Variants in ERICH3 observed in about 807,000 individuals in gnomAD.
The protein encoded by ERICH3 is glutamate-rich protein 3.
Under a neutral mutation model 131.1 loss-of-function variants are expected in ERICH3, and 126 were observed. That is an observed-to-expected ratio of 0.96 (90% CI 0.83 to 1.11). The LOEUF (loss-of-function observed/expected upper bound fraction) is 1.11. Among genes scored for constraint, ERICH3 ranks in the 50% most tolerant of loss-of-function variants. The pLI is 0.00. For missense variants in ERICH3, 2,050 were observed against 1,810.7 expected (o/e 1.13, Z -2.40); for synonymous variants, 695 against 644.6 (o/e 1.08, Z -1.18).
intron 1 of ERICH3, among the ~76,000 whole-genome samples, chr1:74,666,183 T>C (rs180791992): frequency 4.9e-4 from 74 of 152,022 alleles, no homozygotes; most frequent in Non-Finnish European, 6.8e-4. Context: ...GCTTTTACTG[T>C]CAGAAAAAAC....
intron 12 of ERICH3, among the ~76,000 whole-genome samples, chr1:74,589,171 T>C (rs1647468630): frequency 6.6e-6 from 1 of 152,126 alleles, no homozygotes; most frequent in South Asian, 2.1e-4. Context: ...TGGATTTTTG[T>C]GAGGACGTGA....
At chr1:74,633,166 T>G (rs1299093185) in intron 6 of ERICH3, among the ~76,000 whole-genome samples, 8 of 150,974 alleles carry the variant, frequency 5.3e-5, no homozygotes, top group Non-Finnish European at 8.9e-5. Flanking sequence ...AGGAAAGTAC[T>G]CTCCAAATAT....
rs775567742 is a variant in ERICH3 at position 74,636,280 on chromosome 1, C to T, written c.603G>A (p.Gly201=). Reference sequence around the variant, plus strand: ...ATTTATTGATAAAAATAACATTTACCCCAATGGGAAACAGAGCTTCATTTT... The same window carrying T: ...ATTTATTGATAAAAATAACATTTACTCCAATGGGAAACAGAGCTTCATTTT... ...LLENEALFPI[G]GKKAVMKFRN... is the part of the protein sequence containing the mutation. The change falls in exon 6 of 15, where the codon GGG becomes GGA. Residue 201 remains glycine, a splice_region_variant and synonymous_variant. Transcript: ENST00000326665. 3.8e-6 allele frequency: 6 copies of T among 1,596,196 alleles called. No homozygotes were observed. Among genetic ancestry groups the T allele is most frequent in the Non-Finnish European group, 5.1e-6 (6 of 1,171,618 alleles).
rs474954 is a variant in ERICH3, at chr1:74,649,442, G to C, written c.24-127C>G. The C allele has an allele frequency of 6.7e-3, 4,151 of 615,362 alleles. 102 individuals are homozygous for C. The highest frequency in any genetic ancestry group is 0.061 in the African/African-American group (3,295 of 54,164). The allele number at this position is 615,362 out of a possible 1,614,324, so 38.1% of individuals were successfully genotyped here. A position where few individuals can be genotyped will look rare whatever the true frequency, so the allele number is the denominator to read the frequency against. On this transcript the variant is annotated intron_variant, in intron 1 of 14. Coordinates refer to ENST00000326665, the MANE Select transcript of ERICH3 (RefSeq NM_001002912.5). ...TGCAGCCTGCCAGTCATTCATATAT[G>C]TGTTTAATAAACATGTATTGAGTCC...
intron 1 of ERICH3, among the ~76,000 whole-genome samples, chr1:74,657,036 T>A (rs937089175): frequency 6.6e-6 from 1 of 152,194 alleles, no homozygotes. Context: ...AAACAAAGCA[T>A]ATTGGTCCAA....
At chr1:74,621,555 A>C (rs1206502522) in intron 7 of ERICH3, 1 of 152,206 alleles carries the variant, frequency 6.6e-6, no homozygotes, top group Non-Finnish European at 1.5e-5. Flanking sequence ...TGAAAATCCA[A>C]TATCAATATT....
intron 8 of ERICH3, 21 bp downstream of exon 8, chr1:74,620,713 A>G: frequency 6.4e-7 from 1 of 1,555,744 alleles, no homozygotes; most frequent in Non-Finnish European, 8.7e-7. Flanking sequence ...CAATTAAAAA[A>G]CATTCACATT....
At position 74,621,060 on chromosome 1, in the gene ERICH3, A is replaced by T; in HGVS notation, c.820-146T>A. 7.4e-6 allele frequency: 5 copies of T among 671,202 alleles called. 1 individual carries two copies. The South Asian group carries it at 1.2e-4, about 16-fold the overall frequency. 41.6% of individuals were successfully genotyped at this position (671,202 alleles called of 1,614,324 possible). On this transcript the variant is annotated intron_variant, in intron 7 of 14. Transcript: ENST00000326665. The stretch of plus-strand genomic sequence containing the variant: ...ATAAAGTGTCAATTTACAAATGCAC[A>T]AAAAGTCAAACTCATTGCAAAATAA...
At chr1:74,628,002 A>G (rs1013890086) in intron 7 of ERICH3, among the ~76,000 whole-genome samples, 17 of 152,168 alleles carry the variant, frequency 1.1e-4, no homozygotes, top group Non-Finnish European at 2.2e-4. Context: ...AAATATAAAG[A>G]TGCAATATTA....
At chr1:74,594,633 G>T (rs936612517) in intron 11 of ERICH3, among the ~76,000 whole-genome samples, 2 of 152,006 alleles carry the variant, frequency 1.3e-5, no homozygotes, top group African/African-American at 4.8e-5. Context: ...ACCTCCGTTC[G>T]CATGAGGGAA....
chr1:74,589,556 T>G (rs906186183), intron 12 of ERICH3, 75 bp downstream of exon 12: 9 of 1,388,652 alleles, frequency 6.5e-6, no homozygotes, highest in Admixed American at 2.0e-5. Flanking sequence ...TTCCCAAGCT[T>G]TGGCATAGTG....
In ERICH3 at chr1:74,636,238, C is replaced by T. The variant is rs548944144; in HGVS notation, c.603+42G>A. 8.8e-6 allele frequency: 13 copies of T among 1,470,396 alleles called. No homozygotes were observed. In the East Asian group the frequency reaches 2.7e-4, roughly 31 times the overall value. 91.1% of individuals were successfully genotyped at this position (1,470,396 alleles called of 1,614,324 possible). ...CACTGTAATAACCTATAATAATCTA[C>T]TCAAAAATTAAAATATATTTATTGA... On this transcript the variant is annotated intron_variant, in intron 6 of 14. Coordinates refer to ENST00000326665, the MANE Select transcript of ERICH3 (RefSeq NM_001002912.5).
Position 74,649,295 on chromosome 1 carries a change from C to T in ERICH3, c.44G>A (p.Ser15Asn), listed in dbSNP as rs1217433548. ...CCCAGCCAGGTGTTTATCCATAAGG[C>T]TATTATATGCAGCAAGTAACCTAAA... The part of the protein sequence containing the change: ...HPAGLLAAYN[S>N]LMDKHLAGYF... The change falls in exon 2 of 15, where the codon AGC becomes AAC. Residue 15 changes from serine to asparagine, a missense_variant. Ser to Asn is a conservative substitution (Grantham distance 46, BLOSUM62 1). Transcript: ENST00000326665. The T allele has an allele frequency of 3.7e-6, 6 of 1,611,520 alleles. No individual in the cohort carries two copies. The highest frequency in any genetic ancestry group is 5.1e-6 in the Non-Finnish European group (6 of 1,178,856).
chr1:74,577,490 G>T (rs1273772213), intron 12 of ERICH3: 1 of 152,260 alleles, frequency 6.6e-6, no homozygotes, highest in Non-Finnish European at 1.5e-5. Context: ...CTTATTGGAG[G>T]TCACATAAAA....
At chr1:74,636,130 A>T (rs1022418917) in intron 6 of ERICH3, 150 bp downstream of exon 6, 1 of 599,804 alleles carries the variant, frequency 1.7e-6, no homozygotes, top group South Asian at 5.4e-5. Flanking sequence ...AGACATAATT[A>T]ATCACAAGTA....
intron 14 of ERICH3, 47 bp downstream of exon 14, chr1:74,571,052 C>G (rs1205954978): frequency 1.3e-6 from 2 of 1,550,484 alleles, no homozygotes; most frequent in Admixed American, 1.8e-5. Context: ...GGAGACCCAC[C>G]GCAGGGCTGC....
In ERICH3 at chr1:74,599,743, C is replaced by A. The variant is rs781483658; in HGVS notation, c.1678G>T (p.Asp560Tyr). 1 of 1,612,230 alleles carries A rather than the reference C, an allele frequency of 6.2e-7. No homozygotes were observed. Among genetic ancestry groups the A allele is most frequent in the South Asian group, 1.1e-5 (1 of 90,946 alleles). Residue 560 changes from aspartate to tyrosine, a missense_variant, in exon 11 of 15, where the codon GAT (aspartate) becomes TAT (tyrosine). Physicochemically the swap from Asp to Tyr is radical, Grantham distance 160. Coordinates refer to ENST00000326665, the MANE Select transcript of ERICH3 (RefSeq NM_001002912.5). Reference protein sequence around the residue: ...KAPDARDNVKDENDGCSESEL... With the variant: ...KAPDARDNVKYENDGCSESEL... ...CTCTCAGAGCATCCATCATTCTCAT[C>A]TTTCACATTGTCACGGGCATCTGGT...
At chr1:74,641,244 G>T in intron 5 of ERICH3, 87 bp downstream of exon 5, 3 of 1,456,504 alleles carry the variant, frequency 2.1e-6, no homozygotes, top group Non-Finnish European at 2.8e-6. Context: ...ACGGAGTCAT[G>T]CTCCCAGAGA....
intron 11 of ERICH3, among the ~76,000 whole-genome samples, chr1:74,596,042 C>T (rs115406721): frequency 3.7e-3 from 569 of 152,128 alleles, no homozygotes; most frequent in African/African-American, 0.013. Flanking sequence ...TTTTCAAACC[C>T]ATATTGAAGC....
Sources: gnomAD v4.1 joint callset for allele counts (sites outside exome capture counted in the v4.1 genomes callset) on GRCh38, gnomAD v4.1.1 for gene constraint, MANE v1.5 for transcripts, NCBI Gene and HGNC (gene_info 2026-07-23, HGNC 2026-07-21) for gene names.